ATF7: variants seen among roughly 807,000 people sequenced by gnomAD.
ATF7 encodes the protein activating transcription factor 7, also known as cyclic AMP-dependent transcription factor ATF-7.
ATF7 carries 10 observed loss-of-function variants against 50.4 expected under a neutral mutation model. That is an observed-to-expected ratio of 0.20 (90% CI 0.12 to 0.34). ATF7 has a LOEUF of 0.34. ATF7 is among the 10% of genes least tolerant of loss of function. The probability of loss-of-function intolerance (pLI) is 1.00; values close to 1 mark genes in which losing one functional copy is unlikely to be tolerated. For missense variants in ATF7, 465 were observed against 613.9 expected, an observed-to-expected ratio of 0.76 and a Z score of 2.56; for synonymous variants, 201 against 226.4, an observed-to-expected ratio of 0.89 and a Z score of 1.01.
chr12:53,618,667 C>T (rs1248094347), intron 1 of ATF7, among the ~76,000 whole-genome samples: 1 of 152,038 alleles, frequency 6.6e-6, no homozygotes, highest in South Asian at 2.1e-4. Context: ...CAAACTTAGA[C>T]CATCCTTGCC....
intron 2 of ATF7, among the ~76,000 whole-genome samples, chr12:53,581,296 G>A (rs1942412679): frequency 6.6e-6 from 1 of 151,946 alleles, no homozygotes; most frequent in Non-Finnish European, 1.5e-5. Context: ...TATCCAGCAG[G>A]CAGAAAATCA....
intron 4 of ATF7, among the ~76,000 whole-genome samples, chr12:53,542,587 T>C (rs1939642969): frequency 6.6e-6 from 1 of 152,162 alleles, no homozygotes; most frequent in South Asian, 2.1e-4. Flanking sequence ...CCACCATGCC[T>C]GATCAATCTT....
chr12:53,577,020 C>A (rs999869052), intron 2 of ATF7, among the ~76,000 whole-genome samples: 2 of 152,132 alleles, frequency 1.3e-5, no homozygotes, highest in Non-Finnish European at 1.5e-5. Context: ...CGTGCCACTG[C>A]AATCCAGCCT....
Position 53,543,117 on chromosome 12 carries a change from G to A in ATF7, c.264+213C>T, listed in dbSNP as rs956900367. ...TGGAAGAACAAGAGGACTAATTTTC[G>A]GTGACGACAGACTTGTGCTGATCCA... On this transcript the variant is annotated intron_variant, in intron 4 of 11. Transcript: ENST00000420353. 28 of 1,411,718 alleles carry A rather than the reference G, an allele frequency of 2.0e-5. No homozygotes were observed. The Admixed American group carries it at 3.7e-4, about 19-fold the overall frequency. The allele number at this position is 1,411,718 out of a possible 1,614,324, so 87.4% of individuals were successfully genotyped here. A position where few individuals can be genotyped will look rare whatever the true frequency, so the allele number is the denominator to read the frequency against.
At position 53,532,639 on chromosome 12, in the gene ATF7, G is replaced by GAAAAA; in HGVS notation, c.661-21_661-17dup. ...GTCTGGCCAGCTGGATCGAGAGAAG[G>GAAAAA]AAAAAAAAAAAAAGAGAAGGGAACA... On this transcript the variant is annotated splice_polypyrimidine_tract_variant and intron_variant, in intron 7 of 11. Transcript: ENST00000420353. The GAAAAA allele has an allele frequency of 8.3e-7, 1 of 1,206,932 alleles. No individual in the cohort carries two copies. Among genetic ancestry groups the GAAAAA allele is most frequent in the Non-Finnish European group, 1.1e-6 (1 of 874,562 alleles). 74.8% of individuals were successfully genotyped at this position (1,206,932 alleles called of 1,614,324 possible). A position where few individuals can be genotyped will look rare whatever the true frequency, so the allele number is the denominator to read the frequency against.
intron 2 of ATF7, among the ~76,000 whole-genome samples, chr12:53,573,085 A>C (rs1256357670): frequency 2.4e-5 from 3 of 127,594 alleles, no homozygotes; most frequent in East Asian, 2.0e-4. Flanking sequence ...GTACCCGGCC[A>C]AAAAAAAAAA....
At chr12:53,590,717 C>T (rs377357393) in intron 2 of ATF7, among the ~76,000 whole-genome samples, 41 of 152,306 alleles carry the variant, frequency 2.7e-4, no homozygotes, top group Admixed American at 3.3e-4. Flanking sequence ...GAGTCTCCCA[C>T]GTCTAATTTC....
chr12:53,510,813 C>T (rs985838154), downstream of ATF7, among the ~76,000 whole-genome samples: 2 of 152,162 alleles, frequency 1.3e-5, no homozygotes, highest in African/African-American at 4.8e-5. Context: ...GGGTTGATTC[C>T]TCTAATTTTG....
intron 1 of ATF7, among the ~76,000 whole-genome samples, chr12:53,607,432 C>G (rs1943661368): frequency 6.6e-6 from 1 of 152,126 alleles, no homozygotes; most frequent in Admixed American, 6.6e-5. Context: ...TTTCATTCTT[C>G]TTTCAGTCTC....
At chr12:53,603,468 T>C (rs1042283810) in intron 1 of ATF7, among the ~76,000 whole-genome samples, 1 of 152,176 alleles carries the variant, frequency 6.6e-6, no homozygotes, top group Non-Finnish European at 1.5e-5. Context: ...TCTTAAATAT[T>C]CAACTGACAG....
rs886952731 is a variant in ATF7, at chr12:53,574,210, T to C, written c.49-21573A>G. Among the ~76,000 whole-genome samples, 4 of 152,098 alleles carry C rather than the reference T, an allele frequency of 2.6e-5. No individual in the cohort carries two copies. In the East Asian group the frequency reaches 7.7e-4, roughly 29 times the overall value. On this transcript the variant is annotated intron_variant, in intron 2 of 11. Transcript: ENST00000420353. ...AACATGTAAGAACAGATGGATAATA[T>C]AAGAAGAGAGATGAAAATTCTAAGA... is the stretch of plus-strand genomic sequence containing the variant.
At chr12:53,532,041 T>C (rs1328683101) in intron 8 of ATF7, 145 bp from the exon 9 acceptor site, 3 of 971,668 alleles carry the variant, frequency 3.1e-6, no homozygotes, top group Non-Finnish European at 4.4e-6. Context: ...TAAGAGAAAA[T>C]GACAGGCAGA....
intron 9 of ATF7, among the ~76,000 whole-genome samples, chr12:53,531,222 A>G (rs1938859031): frequency 6.6e-6 from 1 of 151,738 alleles, no homozygotes; most frequent in African/African-American, 2.4e-5. Flanking sequence ...GGAGTTGGAG[A>G]CCAGCCTGGC....
intron 4 of ATF7, among the ~76,000 whole-genome samples, chr12:53,539,269 T>C (rs1446425241): frequency 6.6e-6 from 1 of 152,222 alleles, no homozygotes; most frequent in Non-Finnish European, 1.5e-5. Context: ...AATTTGCCTA[T>C]AATAAATTGG....
At chr12:53,589,634 A>G (rs1458074012) in intron 2 of ATF7, among the ~76,000 whole-genome samples, 4 of 152,230 alleles carry the variant, frequency 2.6e-5, no homozygotes, top group Non-Finnish European at 5.9e-5. Flanking sequence ...TTAGGAAAGT[A>G]GTACTGAGCC....
At chr12:53,508,815 G>A (rs1944073879), downstream of ATF7, among the ~76,000 whole-genome samples, 1 of 152,280 alleles carries the variant, frequency 6.6e-6, no homozygotes, top group South Asian at 2.1e-4. Flanking sequence ...TGAGGAGGGT[G>A]AGGCTGAGTG....
rs995327706 is a variant in ATF7 at position 53,516,420 on chromosome 12, C to G, written c.*717G>C. ...AAAGTCAAGGGACAAAATGAGGTAC[C>G]CAAATAGCTCTGCAAATAGATGAAA... On this transcript the variant is annotated 3_prime_UTR_variant, in exon 12 of 12. Coordinates refer to ENST00000420353, the MANE Select transcript of ATF7 (RefSeq NM_006856.3). 2.0e-5 allele frequency: 3 copies of G among 152,424 alleles called. No individual in the cohort carries two copies. The highest frequency in any genetic ancestry group is 4.4e-5 in the Non-Finnish European group (3 of 68,046). 9.4% of individuals were successfully genotyped at this position (152,424 alleles called of 1,614,324 possible). A position where few individuals can be genotyped will look rare whatever the true frequency, so the allele number is the denominator to read the frequency against.
chr12:53,606,842 C>T lies in ATF7; in HGVS notation c.-21-5821G>A, dbSNP rs181543422. On this transcript the variant is annotated intron_variant, in intron 1 of 11. Transcript: ENST00000420353. ...GGTTTTTTGTCTTTGCGATAGTTTG[C>T]TGAGAATGATGGTTTCCAGTTTCAT... Among the ~76,000 whole-genome samples the T allele has an allele frequency of 5.7e-3, 867 of 151,210 alleles. 4 individuals carry two copies. Among genetic ancestry groups the T allele is most frequent in the African/African-American group, 0.02 (822 of 41,206 alleles).
chr12:53,619,062 A>C (rs922995367), intron 1 of ATF7, among the ~76,000 whole-genome samples: 1 of 152,054 alleles, frequency 6.6e-6, no homozygotes, highest in Non-Finnish European at 1.5e-5. Context: ...CAAAAAAAAA[A>C]AAAAAGAAGA....
Sources: gnomAD v4.1 joint callset for allele counts (sites outside exome capture counted in the v4.1 genomes callset) on GRCh38, gnomAD v4.1.1 for gene constraint, MANE v1.5 for transcripts, NCBI Gene and HGNC (gene_info 2026-07-23, HGNC 2026-07-21) for gene names.